Variants in RNF5 observed in about 807,000 individuals in gnomAD.
RNF5 encodes E3 ubiquitin-protein ligase RNF5.
Under a neutral mutation model 24.4 loss-of-function variants are expected in RNF5, and 16 were observed. The ratio of observed to expected loss-of-function variants is 0.66; its 90% CI spans 0.44 to 1.00. RNF5 has a LOEUF of 1.00. Among genes scored for constraint, RNF5 ranks in the 50% least tolerant of loss-of-function variants. The pLI is 0.00. For missense variants in RNF5, 185 were observed against 236.7 expected, an observed-to-expected ratio of 0.78 and a Z score of 1.43; for synonymous variants, 64 against 88.5, an observed-to-expected ratio of 0.72 and a Z score of 1.55.
Position 32,180,579 on chromosome 6 carries a change from T to G in RNF5, c.*253T>G. On this transcript the variant is annotated 3_prime_UTR_variant, in exon 6 of 6. Coordinates refer to ENST00000375094, the MANE Select transcript of RNF5 (RefSeq NM_006913.4). The stretch of plus-strand genomic sequence containing the variant: ...GGGGAAGGAGGATGGATTGAGAGAA[T>G]GTCTTTCTCCTCTCCTAAGTCTTTG... The G allele has an allele frequency of 1.9e-6, 1 of 534,232 alleles. No homozygotes were observed. 33.1% of individuals were successfully genotyped at this position (534,232 alleles called of 1,614,324 possible).
chr6:32,179,394 C>G lies in RNF5; in HGVS notation c.141-147C>G. On this transcript the variant is annotated intron_variant, in intron 1 of 5. Transcript: ENST00000375094. This position sits in a 1 kb window ranked among gnomAD's most constrained non-coding sequence, Gnocchi z 5.4. ...CAAGCAGGAAGGCTAACTAAGTTGGCTGGCATGGTAGAGGTTGCAGAAAAT... is the reference window on the plus strand; with the variant it reads ...CAAGCAGGAAGGCTAACTAAGTTGGGTGGCATGGTAGAGGTTGCAGAAAAT... The G allele has an allele frequency of 2.2e-6, 2 of 927,328 alleles. No homozygotes were observed. The highest frequency in any genetic ancestry group is 3.5e-6 in the Non-Finnish European group (2 of 578,872). The allele number at this position is 927,328 out of a possible 1,614,324, so 57.4% of individuals were successfully genotyped here.
In RNF5 at chr6:32,180,423, A is replaced by G. The variant is rs1785999755; in HGVS notation, c.*97A>G. ...ACTCCTGGACCCCCTTGACCCCTCT[A>G]TTTCTGTTGGCTAAGGCCAGCCCTG... On this transcript the variant is annotated 3_prime_UTR_variant, in exon 6 of 6. Transcript: ENST00000375094. 1 of 1,135,302 alleles carries G rather than the reference A, an allele frequency of 8.8e-7. No individual in the cohort carries two copies. Among genetic ancestry groups the G allele is most frequent in the African/African-American group, 1.5e-5 (1 of 65,950 alleles). 70.3% of individuals were successfully genotyped at this position (1,135,302 alleles called of 1,614,324 possible).
At position 32,178,663 on chromosome 6, in the gene RNF5, G is replaced by C. The variant is rs1464738271; in HGVS notation, c.140+12G>C. The C allele has an allele frequency of 1.2e-6, 2 of 1,608,684 alleles. No homozygotes were observed. The highest frequency in any genetic ancestry group is 1.3e-5 in the African/African-American group (1 of 74,860). On this transcript the variant is annotated intron_variant, in intron 1 of 5. Transcript: ENST00000375094. ...GGCCACCTGTACTGGTGAGAATCGAGGAGGGGGGCGGGAGGTGGTGGGTCT... is the reference window on the plus strand; with the variant it reads ...GGCCACCTGTACTGGTGAGAATCGACGAGGGGGGCGGGAGGTGGTGGGTCT...
chr6:32,178,641 C>T lies in RNF5; in HGVS notation c.130C>T (p.His44Tyr), dbSNP rs1785807171. The change falls in exon 1 of 6, where the codon CAC (histidine) becomes TAC (tyrosine). Residue 44 changes from histidine (H) to tyrosine (Y), a missense_variant. By Grantham distance (83) the His-to-Tyr change is moderately conservative (BLOSUM62 2). Transcript: ENST00000375094. ...AREAVVSVCGHLYCWPCLHQW... is the reference protein window; with the variant it reads ...AREAVVSVCGYLYCWPCLHQW... ...GGAAGCTGTGGTCAGTGTGTGTGGCCACCTGTACTGGTGAGAATCGAGGAG... is the reference window on the plus strand; with the variant it reads ...GGAAGCTGTGGTCAGTGTGTGTGGCTACCTGTACTGGTGAGAATCGAGGAG... The T allele has an allele frequency of 6.2e-7, 1 of 1,610,576 alleles. No individual in the cohort carries two copies. The highest frequency in any genetic ancestry group is 1.1e-5 in the South Asian group (1 of 91,014).
Position 32,179,980 on chromosome 6 carries a change from T to C in RNF5, c.328-29T>C. 11 of 1,607,926 alleles carry C rather than the reference T, an allele frequency of 6.8e-6. No individual in the cohort carries two copies. Among genetic ancestry groups the C allele is most frequent in the Non-Finnish European group, 9.4e-6 (11 of 1,174,298 alleles). On this transcript the variant is annotated intron_variant, in intron 4 of 5. Transcript: ENST00000375094. This position sits in a 1 kb window ranked among gnomAD's most constrained non-coding sequence, Gnocchi z 5.4. ...TCCCTTCCTTGACAGATTTGCCGGC[T>C]TCCTGTCTGACTTTTTCTGCCTCCC... is the stretch of plus-strand genomic sequence containing the variant.
chr6:32,179,289 ATG>A lies in RNF5; in HGVS notation c.141-248_141-247del, dbSNP rs1270039157. 3.9e-5 allele frequency among the ~76,000 whole-genome samples: 6 copies of A among 152,174 alleles called. No individual in the cohort carries two copies. The highest frequency in any genetic ancestry group is 3.3e-4 in the Admixed American group (5 of 15,284). ...GAAAAGAGAGGGCACGAAAATTTGT[ATG>A]TGTTTGTTGGGGAGAGGAGAAAGGA... On this transcript the variant is annotated intron_variant, in intron 1 of 5. Transcript: ENST00000375094. This position sits in a 1 kb window ranked among gnomAD's most constrained non-coding sequence, Gnocchi z 5.4.
Position 32,179,436 on chromosome 6 carries a change from G to A in RNF5, c.141-105G>A, listed in dbSNP as rs1785882516. 7.1e-7 allele frequency: 1 copy of A among 1,409,054 alleles called. No individual in the cohort carries two copies. Among genetic ancestry groups the A allele is most frequent in the Admixed American group, 1.8e-5 (1 of 55,852 alleles). 87.3% of individuals were successfully genotyped at this position (1,409,054 alleles called of 1,614,324 possible). A position where few individuals can be genotyped will look rare whatever the true frequency, so the allele number is the denominator to read the frequency against. ...GCAGAAAATCTGAAAAGCAACAGCAGGTTGCTTGGGAAGAGGGGTTAGATG... is the reference window on the plus strand; with the variant it reads ...GCAGAAAATCTGAAAAGCAACAGCAAGTTGCTTGGGAAGAGGGGTTAGATG... On this transcript the variant is annotated intron_variant, in intron 1 of 5. Coordinates refer to ENST00000375094, the MANE Select transcript of RNF5 (RefSeq NM_006913.4). This position sits in a 1 kb window ranked among gnomAD's most constrained non-coding sequence, Gnocchi z 5.4.
At chr6:32,180,195 G>C (rs753727104) in intron 5 of RNF5, 34 bp from the exon 6 acceptor site, 1 of 1,611,248 alleles carries the variant, frequency 6.2e-7, no homozygotes, top group South Asian at 1.1e-5. Flanking sequence ...CAGCCTAGGA[G>C]CATATGCTTC....
rs756707639 is a variant in RNF5, at chr6:32,178,607, G to T, written c.96G>T (p.Glu32Asp). 24 of 1,611,816 alleles carry T rather than the reference G, an allele frequency of 1.5e-5. No individual in the cohort carries two copies. Among genetic ancestry groups the T allele is most frequent in the Non-Finnish European group, 1.9e-5 (22 of 1,179,960 alleles). ...CCTTCGAATGTAATATATGTTTGGAGACTGCTCGGGAAGCTGTGGTCAGTG... is the reference window on the plus strand; with the variant it reads ...CCTTCGAATGTAATATATGTTTGGATACTGCTCGGGAAGCTGTGGTCAGTG... ...GATFECNICL[E>D]TAREAVVSVC... is the part of the protein sequence containing the mutation. The change falls in exon 1 of 6, where the codon GAG (glutamate) becomes GAT (aspartate). Residue 32 changes from glutamate to aspartate, a missense_variant. Glu to Asp is a conservative substitution (Grantham distance 45). Transcript: ENST00000375094.
In RNF5 at chr6:32,180,498, T is replaced by C. The variant is rs188348154; in HGVS notation, c.*172T>C. The stretch of plus-strand genomic sequence containing the variant: ...AGGAGGAGTGAAGTCTGTGCATAGA[T>C]GGGAGAGCCTTCTGCTCAGAGGCTC... On this transcript the variant is annotated 3_prime_UTR_variant, in exon 6 of 6. Coordinates refer to ENST00000375094, the MANE Select transcript of RNF5 (RefSeq NM_006913.4). 844 of 616,378 alleles carry C rather than the reference T, an allele frequency of 1.4e-3. No individual in the cohort carries two copies. Among genetic ancestry groups the C allele is most frequent in the African/African-American group, 2.6e-3 (140 of 54,418 alleles). 38.2% of individuals were successfully genotyped at this position (616,378 alleles called of 1,614,324 possible). A position where few individuals can be genotyped will look rare whatever the true frequency, so the allele number is the denominator to read the frequency against.
rs1300837792 is a variant in RNF5, at chr6:32,179,686, A to C, written c.195A>C (p.Pro65=). 6.2e-7 allele frequency: 1 copy of C among 1,614,016 alleles called. No individual in the cohort carries two copies. The highest frequency in any genetic ancestry group is 8.5e-7 in the Non-Finnish European group (1 of 1,180,024). Residue 65 remains proline (P), a synonymous_variant, in exon 3 of 6, where the codon CCA becomes CCC. Transcript: ENST00000375094. The surrounding 1 kb of genome is among the most constrained non-coding windows in gnomAD (Gnocchi z 5.4). ...CACGGCCAGAACGGCAAGAGTGTCC[A>C]GTATGTAAAGCTGGGATCAGCAGAG... ...LETRPERQEC[P]VCKAGISREK...
chr6:32,178,472 G>C lies in RNF5; in HGVS notation c.-40G>C, dbSNP rs201615677. The C allele has an allele frequency of 9.5e-4, 1,452 of 1,520,844 alleles. 9 individuals carry two copies. The highest frequency in any genetic ancestry group is 4.1e-3 in the Admixed American group (188 of 45,778). 94.2% of individuals were successfully genotyped at this position (1,520,844 alleles called of 1,614,324 possible). On this transcript the variant is annotated 5_prime_UTR_variant, in exon 1 of 6. Transcript: ENST00000375094. ...TGTTGGGGCGTGTGTATGTGTATTTGGGGGGACTGAAGGGTACGTGGGGCG... is the reference window on the plus strand; with the variant it reads ...TGTTGGGGCGTGTGTATGTGTATTTCGGGGGACTGAAGGGTACGTGGGGCG...
rs748270622 is a variant in RNF5 at position 32,179,916 on chromosome 6, T to C, written c.312T>C (p.Ala104=). Residue 104 remains alanine (A), a synonymous_variant, in exon 4 of 6, where the codon GCT becomes GCC. Coordinates refer to ENST00000375094, the MANE Select transcript of RNF5 (RefSeq NM_006913.4). The surrounding 1 kb of genome is among the most constrained non-coding windows in gnomAD (Gnocchi z 5.4). The part of the protein sequence containing the change: ...TPPRPQGQRP[A]PESRGGFQPF... Reference sequence around the variant, plus strand: ...CCCGCCCCCAGGGCCAGAGACCAGCTCCGGAGAGCAGAGGGGTGAGTCTTC... The same window carrying C: ...CCCGCCCCCAGGGCCAGAGACCAGCCCCGGAGAGCAGAGGGGTGAGTCTTC... 3 of 1,614,158 alleles carry C rather than the reference T, an allele frequency of 1.9e-6. No homozygotes were observed. Among genetic ancestry groups the C allele is most frequent in the Non-Finnish European group, 2.5e-6 (3 of 1,180,004 alleles).
At position 32,178,569 on chromosome 6, in the gene RNF5, G is replaced by C; in HGVS notation, c.58G>C (p.Gly20Arg). ...GPEGPNRERGGAGATFECNIC... is the reference protein window; with the variant it reads ...GPEGPNRERGRAGATFECNIC... ...CGAAGGGCCAAATCGCGAGCGGGGC[G>C]GGGCGGGCGCGACCTTCGAATGTAA... is the stretch of plus-strand genomic sequence containing the variant. The change falls in exon 1 of 6, where the codon GGG (glycine) becomes CGG (arginine). Residue 20 changes from glycine (G) to arginine (R), a missense_variant. By Grantham distance (125) the Gly-to-Arg change is moderately radical. Transcript: ENST00000375094. 6.2e-7 allele frequency: 1 copy of C among 1,609,282 alleles called. No individual in the cohort carries two copies. Among genetic ancestry groups the C allele is most frequent in the Non-Finnish European group, 8.5e-7 (1 of 1,178,532 alleles).
intron 1 of RNF5, 48 bp downstream of exon 1, chr6:32,178,699 C>G (rs781712644): frequency 6.3e-7 from 1 of 1,582,292 alleles, no homozygotes; most frequent in Non-Finnish European, 8.6e-7. Context: ...CGCTTATATA[C>G]TGGAGAGGCT....
Position 32,179,770 on chromosome 6 carries a change from G to C in RNF5, c.272+7G>C. 16 of 1,613,324 alleles carry C rather than the reference G, an allele frequency of 9.9e-6. No homozygotes were observed. The highest frequency in any genetic ancestry group is 1.4e-5 in the Non-Finnish European group (16 of 1,179,248). On this transcript the variant is annotated splice_region_variant and intron_variant, in intron 3 of 5. Transcript: ENST00000375094. This position sits in a 1 kb window ranked among gnomAD's most constrained non-coding sequence, Gnocchi z 5.4. ...AGAAGCCCCAGGATCCCAGGTGAGA[G>C]ACTGGAGGTGTTGCTTAGGGAAGAT...
rs753393917 is a variant in RNF5, at chr6:32,179,991, CTT to C, written c.328-14_328-13del. 1.3e-5 allele frequency: 21 copies of C among 1,614,168 alleles called. No individual in the cohort carries two copies. The highest frequency in any genetic ancestry group is 1.8e-5 in the Non-Finnish European group (21 of 1,179,972). The stretch of plus-strand genomic sequence containing the variant: ...ACAGATTTGCCGGCTTCCTGTCTGA[CTT>C]TTTCTGCCTCCCTAGGGATTCCAGC... On this transcript the variant is annotated splice_polypyrimidine_tract_variant and intron_variant, in intron 4 of 5. Transcript: ENST00000375094. This position sits in a 1 kb window ranked among gnomAD's most constrained non-coding sequence, Gnocchi z 5.4.
In RNF5 at chr6:32,178,413, C is replaced by T. The variant is rs1785775559; in HGVS notation, c.-99C>T. 1 of 1,021,692 alleles carries T rather than the reference C, an allele frequency of 9.8e-7. No homozygotes were observed. The highest frequency in any genetic ancestry group is 1.4e-6 in the Non-Finnish European group (1 of 717,282). 63.3% of individuals were successfully genotyped at this position (1,021,692 alleles called of 1,614,324 possible). A position where few individuals can be genotyped will look rare whatever the true frequency, so the allele number is the denominator to read the frequency against. ...AGTGATTAGGAAACCTTGAAGCCTGCCCAACGATCGTGGGCAGGAGGTGGT... is the reference window on the plus strand; with the variant it reads ...AGTGATTAGGAAACCTTGAAGCCTGTCCAACGATCGTGGGCAGGAGGTGGT... On this transcript the variant is annotated 5_prime_UTR_variant, in exon 1 of 6. Coordinates refer to ENST00000375094, the MANE Select transcript of RNF5 (RefSeq NM_006913.4).
In RNF5 at chr6:32,180,103, A is replaced by G. The variant is rs1455314541; in HGVS notation, c.422A>G (p.His141Arg). The change falls in exon 5 of 6, where the codon CAT (histidine) becomes CGT (arginine). Residue 141 changes from histidine (H) to arginine (R), a missense_variant. Transcript: ENST00000375094. ...TTTTTCACCACCGTCTTCAATGCCC[A>G]TGAGCCTTTCCGCCGGGGTACAGGT... ...FGFFTTVFNAHEPFRRGTGVD... is the reference protein window; with the variant it reads ...FGFFTTVFNAREPFRRGTGVD... The G allele has an allele frequency of 8.1e-6, 13 of 1,614,002 alleles. No individual in the cohort carries two copies. Among genetic ancestry groups the G allele is most frequent in the Non-Finnish European group, 1.0e-5 (12 of 1,180,018 alleles).
Sources: gnomAD v4.1 joint callset for allele counts (sites outside exome capture counted in the v4.1 genomes callset) on GRCh38, gnomAD v4.1.1 for gene constraint, Gnocchi (gnomAD v3.1) non-coding constraint, MANE v1.5 for transcripts, NCBI Gene and HGNC (gene_info 2026-07-23, HGNC 2026-07-21) for gene names.